Variants in VWA8 observed in about 807,000 individuals in gnomAD.
VWA8 encodes von Willebrand factor A domain-containing protein 8.
In VWA8, 221 loss-of-function variants were observed where a neutral mutation model predicts 241.5. The observed-to-expected ratio is 0.91, with a 90% CI of 0.82 to 1.02. VWA8 has a LOEUF of 1.02. Ranked by LOEUF, VWA8 falls within the 50% of genes least tolerant of loss-of-function variation. The pLI, the probability that VWA8 is intolerant of heterozygous loss-of-function variation, is 0.00. For synonymous variants in VWA8, 852 were observed against 827.1 expected (o/e 1.03, Z -0.52); for missense variants, 2,322 against 2,328.7 (o/e 1.00, Z 0.06).
intron 37 of VWA8, among the ~76,000 whole-genome samples, chr13:41,639,545 A>G (rs2044781595): frequency 6.6e-6 from 1 of 152,204 alleles, no homozygotes; most frequent in Non-Finnish European, 1.5e-5. Flanking sequence ...GCCACAGTCC[A>G]TAGCTGAATT....
At chr13:41,717,884 G>A (rs1348029242) in intron 26 of VWA8, among the ~76,000 whole-genome samples, 1 of 152,020 alleles carries the variant, frequency 6.6e-6, no homozygotes, top group Non-Finnish European at 1.5e-5. Context: ...CCCTTGTAAT[G>A]CAAGAGTGTG....
rs530440292 is a variant in VWA8 at position 41,626,182 on chromosome 13, T to G, written c.4612-11098A>C. Among the ~76,000 whole-genome samples the G allele has an allele frequency of 2.8e-4, 43 of 151,918 alleles. No homozygotes were observed. In the South Asian group the frequency reaches 5.8e-3, roughly 21 times the overall value. ...CACCAACATGGCACATGTATACATA[T>G]GTAACAAACCTGCACATTGTGCGCA... On this transcript the variant is annotated intron_variant, in intron 37 of 44. Coordinates refer to ENST00000379310, the MANE Select transcript of VWA8 (RefSeq NM_015058.2).
chr13:41,720,382 T>C (rs990536080), intron 25 of VWA8, among the ~76,000 whole-genome samples: 1 of 152,164 alleles, frequency 6.6e-6, no homozygotes, highest in African/African-American at 2.4e-5. Flanking sequence ...AAAGCTGTTA[T>C]TTTTAATCTT....
chr13:41,954,804 C>A (rs1248752376), intron 1 of VWA8, among the ~76,000 whole-genome samples: 1 of 152,122 alleles, frequency 6.6e-6, no homozygotes, highest in East Asian at 1.9e-4. Context: ...CTTTTAAATG[C>A]CAATATTTAC....
chr13:41,889,445 C>A (rs1365715602), intron 5 of VWA8, among the ~76,000 whole-genome samples: 1 of 151,544 alleles, frequency 6.6e-6, no homozygotes, highest in Non-Finnish European at 1.5e-5. Context: ...GTGGTGCAAT[C>A]CTGGCTCACC....
At chr13:41,674,254 G>T (rs888413093) in intron 36 of VWA8, among the ~76,000 whole-genome samples, 4 of 152,068 alleles carry the variant, frequency 2.6e-5, no homozygotes, top group African/African-American at 9.7e-5. Flanking sequence ...TTCTTCTAGG[G>T]GTTGGAGAAG....
rs1359134649 is a variant in VWA8, at chr13:41,960,984, G to A, written c.32C>T (p.Pro11Leu). ...CGAGGCCGGGCCGCCGTGGCCTCCGGGTGCCCCGAGGAGTAGAAGCCGGGA... is the reference window on the plus strand; with the variant it reads ...CGAGGCCGGGCCGCCGTGGCCTCCGAGTGCCCCGAGGAGTAGAAGCCGGGA... MQSRLLLLGA[P>L]GGHGGPASRR... The change falls in exon 1 of 45, where the codon CCC becomes CTC. Residue 11 changes from proline to leucine, a missense_variant. By Grantham distance (98) the Pro-to-Leu change is moderately conservative. Transcript: ENST00000379310. 1 of 1,409,980 alleles carries A rather than the reference G, an allele frequency of 7.1e-7. No homozygotes were observed. Among genetic ancestry groups the A allele is most frequent in the East Asian group, 3.0e-5 (1 of 33,110 alleles). 87.3% of individuals were successfully genotyped at this position (1,409,980 alleles called of 1,614,324 possible). A position where few individuals can be genotyped will look rare whatever the true frequency, so the allele number is the denominator to read the frequency against.
chr13:41,813,996 C>T (rs1870583099), intron 16 of VWA8, among the ~76,000 whole-genome samples: 1 of 152,046 alleles, frequency 6.6e-6, no homozygotes, highest in African/African-American at 2.4e-5. Flanking sequence ...AGTAATACTT[C>T]AGCTTAAAAA....
intron 21 of VWA8, among the ~76,000 whole-genome samples, chr13:41,747,811 T>G (rs372515908): frequency 7.2e-5 from 11 of 152,104 alleles, no homozygotes; most frequent in African/African-American, 1.4e-4. Flanking sequence ...GCATGAAGGG[T>G]TGTTGAATTT....
chr13:41,700,633 TGTCTTA>T (rs1277418020), intron 28 of VWA8, among the ~76,000 whole-genome samples: 1 of 152,236 alleles, frequency 6.6e-6, no homozygotes, highest in Non-Finnish European at 1.5e-5. Flanking sequence ...GTTCAGTCTT[TGTCTTA>T]AACATACAGA....
At chr13:41,852,774 T>G (rs1050121903) in intron 12 of VWA8, among the ~76,000 whole-genome samples, 1 of 152,152 alleles carries the variant, frequency 6.6e-6, no homozygotes, top group Non-Finnish European at 1.5e-5. Flanking sequence ...CCATTAATAG[T>G]ATATTATTTC....
intron 21 of VWA8, among the ~76,000 whole-genome samples, chr13:41,746,510 G>T (rs2045608054): frequency 6.6e-6 from 1 of 152,108 alleles, no homozygotes; most frequent in South Asian, 2.1e-4. Context: ...TGGGTACACT[G>T]AAAGAAAGGA....
intron 38 of VWA8, among the ~76,000 whole-genome samples, chr13:41,614,532 C>T (rs1174269087): frequency 1.3e-5 from 2 of 152,214 alleles, no homozygotes; most frequent in Non-Finnish European, 2.9e-5. Flanking sequence ...CATTTCTTTT[C>T]AGTCAGTTGC....
chr13:41,925,718 G>C (rs1876797960), intron 2 of VWA8: 1 of 191,278 alleles, frequency 5.2e-6, no homozygotes, highest in African/African-American at 2.4e-5. Context: ...GGCCAAGCAG[G>C]AAGAACTCAG....
intron 15 of VWA8, among the ~76,000 whole-genome samples, chr13:41,818,597 A>T (rs1870806126): frequency 6.6e-6 from 1 of 152,108 alleles, no homozygotes; most frequent in Non-Finnish European, 1.5e-5. Context: ...ATAATTTAAC[A>T]TGGCTAGTGC....
At chr13:41,731,306 T>C (rs2045481494) in intron 22 of VWA8, among the ~76,000 whole-genome samples, 1 of 152,114 alleles carries the variant, frequency 6.6e-6, no homozygotes. Context: ...CTTTAGGTCT[T>C]GTGTAGGAAG....
chr13:41,791,332 A>G (rs1211643964), intron 17 of VWA8, among the ~76,000 whole-genome samples: 2 of 151,920 alleles, frequency 1.3e-5, no homozygotes, highest in Non-Finnish European at 2.9e-5. Context: ...TTTTGTGGTC[A>G]GTTGATAACA....
At chr13:41,878,825 A>G (rs1874026906) in intron 9 of VWA8, among the ~76,000 whole-genome samples, 1 of 152,214 alleles carries the variant, frequency 6.6e-6, no homozygotes, top group Admixed American at 6.5e-5. Context: ...AAGATATTCT[A>G]TAACTTTATA....
At chr13:41,587,778 G>A in intron 41 of VWA8, 108 bp from the exon 42 acceptor site, 1 of 1,360,958 alleles carries the variant, frequency 7.3e-7, no homozygotes, top group South Asian at 1.4e-5. Context: ...GAGATGGGCA[G>A]ACCAGCCATA....
Sources: allele counts gnomAD v4.1 joint callset (sites outside exome capture counted in the v4.1 genomes callset), GRCh38; gene constraint gnomAD v4.1.1; transcripts MANE v1.5; gene names NCBI Gene and HGNC (gene_info 2026-07-23, HGNC 2026-07-21).